Variants in F2R observed in about 807,000 individuals in gnomAD.
The protein encoded by F2R is coagulation factor II thrombin receptor.
A neutral mutation model predicts 18.3 loss-of-function variants in F2R; 12 were observed. The ratio of observed to expected loss-of-function variants is 0.66; its 90% confidence interval spans 0.42 to 1.06. F2R has a LOEUF of 1.06. F2R is among the 50% of genes least tolerant of loss of function. The probability of loss-of-function intolerance (pLI) is 0.00; values close to 1 mark genes in which losing one functional copy is unlikely to be tolerated. For missense variants in F2R, 438 were observed against 530.8 expected (o/e 0.83, Z 1.72); for synonymous variants, 210 against 219.9 (o/e 0.95, Z 0.40).
At chr5:76,724,022 A>T (rs1412765424) in intron 1 of F2R, among the ~76,000 whole-genome samples, 3 of 152,148 alleles carry the variant, frequency 2.0e-5, no homozygotes, top group Non-Finnish European at 4.4e-5. Flanking sequence ...CATAACCACA[A>T]TACAATTATA....
At chr5:76,719,115 G>A (rs928985286) in intron 1 of F2R, among the ~76,000 whole-genome samples, 1 of 152,166 alleles carries the variant, frequency 6.6e-6, no homozygotes, top group Non-Finnish European at 1.5e-5. Context: ...TACCCGCCAC[G>A]TTCATGTTTA....
chr5:76,716,506 A>C (rs1748345349), intron 1 of F2R, 111 bp downstream of exon 1: 1 of 982,886 alleles, frequency 1.0e-6, no homozygotes. Flanking sequence ...TCCGAAAGCC[A>C]AACTGGCATT....
intron 1 of F2R, among the ~76,000 whole-genome samples, chr5:76,720,415 CA>C (rs1271394408): frequency 2.0e-5 from 3 of 152,054 alleles, no homozygotes; most frequent in Admixed American, 2.0e-4. Context: ...GCCTGGGCAA[CA>C]GAGTGGGAGA....
intron 1 of F2R, among the ~76,000 whole-genome samples, chr5:76,729,103 T>G (rs2150582745): frequency 6.6e-6 from 1 of 152,382 alleles, no homozygotes; most frequent in Non-Finnish European, 1.5e-5. Flanking sequence ...TCGTAATGGC[T>G]ATGCCAATTT....
chr5:76,716,564 C>T, intron 1 of F2R, 169 bp downstream of exon 1: 2 of 700,100 alleles, frequency 2.9e-6, no homozygotes, highest in South Asian at 1.8e-5. Context: ...GTGGGGCGTG[C>T]CACCCCCTTC....
chr5:76,723,541 C>G (rs1748506963), intron 1 of F2R, among the ~76,000 whole-genome samples: 1 of 152,202 alleles, frequency 6.6e-6, no homozygotes, highest in South Asian at 2.1e-4. Flanking sequence ...AGTGAAGTAT[C>G]TGGCACATAG....
intron 1 of F2R, among the ~76,000 whole-genome samples, chr5:76,718,908 A>G (rs1748391074): frequency 6.6e-6 from 1 of 152,188 alleles, no homozygotes; most frequent in Non-Finnish European, 1.5e-5. Context: ...CACAGAGTCA[A>G]GCCCAATTCT....
intron 1 of F2R, among the ~76,000 whole-genome samples, chr5:76,726,407 T>C (rs532283973): frequency 7.4e-4 from 113 of 152,254 alleles, no homozygotes; most frequent in African/African-American, 2.6e-3. Context: ...GGCAGGCACC[T>C]GTAGTCCCAG....
chr5:76,725,751 AG>A (rs1192268844), intron 1 of F2R, among the ~76,000 whole-genome samples: 1 of 152,144 alleles, frequency 6.6e-6, no homozygotes, highest in Non-Finnish European at 1.5e-5. Context: ...ATTCTTCCTG[AG>A]CTCTAGCCTA....
intron 1 of F2R, among the ~76,000 whole-genome samples, chr5:76,727,796 A>G (rs1377678863): frequency 6.8e-6 from 1 of 146,232 alleles, no homozygotes; most frequent in African/African-American, 2.5e-5. Flanking sequence ...GTTGTAATAC[A>G]TTCTTCAAAA....
rs1685471852 is a variant in F2R, at chr5:76,735,256, G to A, written c.*1753G>A. 2.0e-5 allele frequency: 3 copies of A among 152,248 alleles called. No homozygotes were observed. The highest frequency in any genetic ancestry group is 4.4e-5 in the Non-Finnish European group (3 of 68,018). 9.4% of individuals were successfully genotyped at this position (152,248 alleles called of 1,614,324 possible). A position where few individuals can be genotyped will look rare whatever the true frequency, so the allele number is the denominator to read the frequency against. On this transcript the variant is annotated 3_prime_UTR_variant, in exon 2 of 2. Coordinates refer to ENST00000319211, the MANE Select transcript of F2R (RefSeq NM_001992.5). ...TGGGAGGCTGAGGCGGGTGGATCACGAGGTCAGGAGATCGAGACCATCCTG... is the reference window on the plus strand; with the variant it reads ...TGGGAGGCTGAGGCGGGTGGATCACAAGGTCAGGAGATCGAGACCATCCTG...
At chr5:76,721,576 C>G (rs1159412415) in intron 1 of F2R, among the ~76,000 whole-genome samples, 1 of 152,194 alleles carries the variant, frequency 6.6e-6, no homozygotes, top group Admixed American at 6.5e-5. Flanking sequence ...ATTATGTAAT[C>G]TATTTATATT....
At chr5:76,723,951 A>T (rs1748512760) in intron 1 of F2R, among the ~76,000 whole-genome samples, 1 of 152,216 alleles carries the variant, frequency 6.6e-6, no homozygotes, top group Non-Finnish European at 1.5e-5. Context: ...CCCAGATATC[A>T]TATTATGTCA....
At chr5:76,724,058 CTGTTTTTT>C in intron 1 of F2R, among the ~76,000 whole-genome samples, 2 of 152,198 alleles carry the variant, frequency 1.3e-5, no homozygotes, top group African/African-American at 4.8e-5. Flanking sequence ...ACATTTCCTT[CTGTTTTTT>C]TGTTTGTTTG....
At chr5:76,717,072 A>G (rs1194352177) in intron 1 of F2R, among the ~76,000 whole-genome samples, 1 of 152,206 alleles carries the variant, frequency 6.6e-6, no homozygotes, top group East Asian at 1.9e-4. Context: ...TTGAAGAGAG[A>G]GATCCCTCCC....
rs1561633150 is a variant in F2R at position 76,735,128 on chromosome 5, G to A, written c.*1625G>A. On this transcript the variant is annotated 3_prime_UTR_variant, in exon 2 of 2. Coordinates refer to ENST00000319211, the MANE Select transcript of F2R (RefSeq NM_001992.5). Reference sequence around the variant, plus strand: ...GGTTGAAACATATCTCTTATCTTACGAAAAAATGGTAGCATTTTAAACAAA... The same window carrying A: ...GGTTGAAACATATCTCTTATCTTACAAAAAAATGGTAGCATTTTAAACAAA... The A allele has an allele frequency of 1.3e-5, 2 of 152,104 alleles. No individual in the cohort carries two copies. The highest frequency in any genetic ancestry group is 3.7e-4 in the East Asian group (2 of 5,336). The allele number at this position is 152,104 out of a possible 1,614,324, so 9.4% of individuals were successfully genotyped here.
intron 1 of F2R, among the ~76,000 whole-genome samples, chr5:76,729,307 T>C (rs1205247103): frequency 6.6e-6 from 1 of 152,262 alleles, no homozygotes; most frequent in African/African-American, 2.4e-5. Context: ...ATGTCTTCTT[T>C]TGAAAAATGT....
intron 1 of F2R, among the ~76,000 whole-genome samples, chr5:76,720,361 G>T (rs562349130): frequency 6.6e-6 from 1 of 152,232 alleles, no homozygotes; most frequent in South Asian, 2.1e-4. Flanking sequence ...CCTGACCCAG[G>T]AGTTCAAGGT....
chr5:76,718,010 G>C (rs1240220093), intron 1 of F2R, among the ~76,000 whole-genome samples: 1 of 152,166 alleles, frequency 6.6e-6, no homozygotes, highest in Non-Finnish European at 1.5e-5. Flanking sequence ...GAACCACTTT[G>C]GGAGGGAAAG....
Sources: allele counts gnomAD v4.1 joint callset (sites outside exome capture counted in the v4.1 genomes callset), GRCh38; gene constraint gnomAD v4.1.1; transcripts MANE v1.5; gene names NCBI Gene and HGNC (gene_info 2026-07-23, HGNC 2026-07-21).